Variants in SLC22A15 observed in about 807,000 individuals in gnomAD.
SLC22A15 encodes the protein flipt 1.
A neutral mutation model predicts 62.7 loss-of-function variants in SLC22A15; 45 were observed. The ratio of observed to expected loss-of-function variants is 0.72; its 90% confidence interval spans 0.56 to 0.92. SLC22A15 has a LOEUF of 0.92. SLC22A15 is among the 40% of genes least tolerant of loss of function. SLC22A15 has a pLI of 0.00. For synonymous variants in SLC22A15, 264 were observed against 267.0 expected, an observed-to-expected ratio of 0.99 and a Z score of 0.11; for missense variants, 622 against 665.6, an observed-to-expected ratio of 0.93 and a Z score of 0.72.
chr1:116,048,944 G>T (rs1380962234), intron 8 of SLC22A15, among the ~76,000 whole-genome samples: 2 of 152,188 alleles, frequency 1.3e-5, no homozygotes, highest in Admixed American at 1.3e-4. Flanking sequence ...AGTGAGCAGG[G>T]TAGCTATTCT....
In SLC22A15 at chr1:116,069,331, C is replaced by G. The variant is rs866182426; in HGVS notation, c.*2223C>G. 6.6e-6 allele frequency: 1 copy of G among 152,160 alleles called. No individual in the cohort carries two copies. Among genetic ancestry groups the G allele is most frequent in the African/African-American group, 2.4e-5 (1 of 41,440 alleles). The allele number at this position is 152,160 out of a possible 1,614,324, so 9.4% of individuals were successfully genotyped here. A position where few individuals can be genotyped will look rare whatever the true frequency, so the allele number is the denominator to read the frequency against. On this transcript the variant is annotated 3_prime_UTR_variant, in exon 12 of 12. Coordinates refer to ENST00000369503, the MANE Select transcript of SLC22A15 (RefSeq NM_018420.3). ...CAAAATTTTCTCCTTTTGATAAAAACTGTTGAATACTATTGATGTAGAGAA... is the reference window on the plus strand; with the variant it reads ...CAAAATTTTCTCCTTTTGATAAAAAGTGTTGAATACTATTGATGTAGAGAA...
chr1:116,049,500 A>G (rs1378337354), intron 8 of SLC22A15, among the ~76,000 whole-genome samples: 3 of 152,220 alleles, frequency 2.0e-5, no homozygotes, highest in Non-Finnish European at 4.4e-5. Flanking sequence ...CTGAATGAGC[A>G]TCAGGTCAAA....
At chr1:116,057,815 C>A (rs1389763118) in intron 8 of SLC22A15, among the ~76,000 whole-genome samples, 1 of 151,898 alleles carries the variant, frequency 6.6e-6, no homozygotes. Context: ...GGACAAAAAA[C>A]CAAACACCAC....
chr1:116,022,500 T>C, intron 4 of SLC22A15, among the ~76,000 whole-genome samples: 1 of 152,200 alleles, frequency 6.6e-6, no homozygotes, highest in East Asian at 1.9e-4. Context: ...TTCTCCATTA[T>C]AGTATTTATA....
At chr1:115,983,613 T>A (rs2101056938) in intron 1 of SLC22A15, among the ~76,000 whole-genome samples, 1 of 152,314 alleles carries the variant, frequency 6.6e-6, no homozygotes, top group South Asian at 2.1e-4. Context: ...GGACAGGCAG[T>A]CGAGAAGGGA....
chr1:116,037,178 C>A, intron 7 of SLC22A15, 125 bp from the exon 8 acceptor site: 1 of 775,160 alleles, frequency 1.3e-6, no homozygotes, highest in Admixed American at 2.3e-5. Flanking sequence ...ACATTTGCCA[C>A]TTAGCCTTAA....
intron 8 of SLC22A15, among the ~76,000 whole-genome samples, chr1:116,059,713 C>A (rs1306333343): frequency 6.6e-6 from 1 of 152,140 alleles, no homozygotes; most frequent in Admixed American, 6.5e-5. Context: ...AGATTTTTAA[C>A]ATGTGAACAA....
intron 2 of SLC22A15, among the ~76,000 whole-genome samples, chr1:116,018,226 T>C (rs1035592247): frequency 6.6e-5 from 10 of 152,224 alleles, no homozygotes; most frequent in Admixed American, 3.3e-4. Context: ...CTCTATGAAG[T>C]TGACTATTCC....
chr1:115,982,353 T>C (rs762601597), intron 1 of SLC22A15, among the ~76,000 whole-genome samples: 1 of 152,244 alleles, frequency 6.6e-6, no homozygotes, highest in Non-Finnish European at 1.5e-5. Flanking sequence ...AAGTAAAGCA[T>C]GCTCACATTT....
intron 8 of SLC22A15, among the ~76,000 whole-genome samples, chr1:116,050,296 G>T (rs978487164): frequency 5.9e-5 from 9 of 152,072 alleles, no homozygotes; most frequent in Non-Finnish European, 7.4e-5. Flanking sequence ...AACCAAAAAA[G>T]AAAACTACAG....
At chr1:115,987,385 C>T (rs964431063) in intron 1 of SLC22A15, among the ~76,000 whole-genome samples, 9 of 151,966 alleles carry the variant, frequency 5.9e-5, no homozygotes, top group Non-Finnish European at 1.2e-4. Flanking sequence ...AGGATGGTCT[C>T]GATCTCCTGA....
chr1:116,020,939 A>G (rs532032106), intron 4 of SLC22A15, 54 bp downstream of exon 4: 3 of 1,490,606 alleles, frequency 2.0e-6, no homozygotes, highest in South Asian at 1.3e-5. Flanking sequence ...AGAAAATTTT[A>G]TAGGGACCCA....
rs964299148 is a variant in SLC22A15, at chr1:116,060,158, A to G, written c.1172-2604A>G. On this transcript the variant is annotated intron_variant, in intron 8 of 11. Transcript: ENST00000369503. ...TATTTGCCAGGACAAACAGCCCAGC[A>G]GCCCCACAGGCAGGAGTCCCAGAAA... Among the ~76,000 whole-genome samples, 25 of 152,254 alleles carry G rather than the reference A, an allele frequency of 1.6e-4. 1 individual carries two copies. The highest frequency in any genetic ancestry group is 2.9e-5 in the Non-Finnish European group (2 of 68,046).
intron 1 of SLC22A15, among the ~76,000 whole-genome samples, chr1:115,986,632 C>T (rs1357050412): frequency 6.6e-6 from 1 of 152,186 alleles, no homozygotes; most frequent in East Asian, 1.9e-4. Context: ...GAGGGAATAA[C>T]TTATGCCCTT....
In SLC22A15 at chr1:116,031,390, G is replaced by A. The variant is rs886506691; in HGVS notation, c.753G>A (p.Trp251Ter). The A allele has an allele frequency of 1.2e-6, 2 of 1,613,392 alleles. No individual in the cohort carries two copies. The highest frequency in any genetic ancestry group is 1.7e-6 in the Non-Finnish European group (2 of 1,179,834). Reference sequence around the variant, plus strand: ...GATTCATTCCTGAATCACCTCGTTGGTTATACTCCCAGGGTCGACTGAGTG... The same window carrying A: ...GATTCATTCCTGAATCACCTCGTTGATTATACTCCCAGGGTCGACTGAGTG... The part of the protein sequence containing the change: ...LSLFIPESPR[W>*]LYSQGRLSEA... Residue 251 changes from tryptophan to a stop codon, truncating the protein, a stop_gained, in exon 6 of 12, where the codon TGG becomes TGA. Transcript: ENST00000369503. LOFTEE classifies it high-confidence loss of function.
At chr1:115,994,982 T>C (rs1474505159) in intron 2 of SLC22A15, among the ~76,000 whole-genome samples, 4 of 152,028 alleles carry the variant, frequency 2.6e-5, no homozygotes, top group African/African-American at 7.2e-5. Flanking sequence ...CCTTCAGCCT[T>C]TTTTTTTCTT....
intron 1 of SLC22A15, among the ~76,000 whole-genome samples, chr1:115,991,676 G>A (rs1214584499): frequency 6.6e-6 from 1 of 152,196 alleles, no homozygotes; most frequent in African/African-American, 2.4e-5. Context: ...TAGCTGGAAT[G>A]TTACTCTTTT....
At chr1:115,978,869 T>A (rs1413030036) in intron 1 of SLC22A15, among the ~76,000 whole-genome samples, 4 of 152,314 alleles carry the variant, frequency 2.6e-5, no homozygotes, top group Middle Eastern at 3.4e-3. Flanking sequence ...TTTACACAGT[T>A]GCCTTAAATG....
intron 1 of SLC22A15, among the ~76,000 whole-genome samples, chr1:115,979,893 C>A (rs1654529134): frequency 1.3e-5 from 2 of 151,972 alleles, no homozygotes; most frequent in Non-Finnish European, 2.9e-5. Context: ...AACATGTAAT[C>A]TATAACAAGC....
Sources: allele counts gnomAD v4.1 joint callset (sites outside exome capture counted in the v4.1 genomes callset), GRCh38; gene constraint gnomAD v4.1.1; transcripts MANE v1.5; gene names NCBI Gene and HGNC (gene_info 2026-07-23, HGNC 2026-07-21).